HPSE2: variants seen among roughly 807,000 people sequenced by gnomAD.
HPSE2 encodes inactive heparanase-2.
Under a neutral mutation model 60.5 loss-of-function variants are expected in HPSE2, and 38 were observed. The observed-to-expected ratio is 0.63, with a 90% CI of 0.48 to 0.82. HPSE2 has a LOEUF of 0.82. HPSE2 is among the 40% of genes least tolerant of loss of function. The pLI is 0.00. For synonymous variants in HPSE2, 295 were observed against 293.2 expected (o/e 1.01, Z -0.06); for missense variants, 713 against 740.4 (o/e 0.96, Z 0.43).
chr10:98,979,338 G>A (rs1956156889), intron 3 of HPSE2, among the ~76,000 whole-genome samples: 1 of 152,108 alleles, frequency 6.6e-6, no homozygotes, highest in South Asian at 2.1e-4. Flanking sequence ...AACATCTACA[G>A]TGCATAATGA....
At chr10:99,250,404 T>C in the HPSE2 span, among the ~76,000 whole-genome samples, 9 of 152,208 alleles carry the variant, frequency 5.9e-5, no homozygotes, top group Non-Finnish European at 1.2e-4. Context: ...AGCAGCACAA[T>C]AATAGTGAGG....
At chr10:98,514,403 A>C (rs2133753580) in intron 9 of HPSE2, among the ~76,000 whole-genome samples, 1 of 152,332 alleles carries the variant, frequency 6.6e-6, no homozygotes, top group African/African-American at 2.4e-5. Flanking sequence ...AGTAAACTTA[A>C]AAATTGTTAA....
chr10:98,651,804 G>A (rs1004535991), intron 6 of HPSE2, among the ~76,000 whole-genome samples: 2 of 147,830 alleles, frequency 1.4e-5, no homozygotes, highest in African/African-American at 2.5e-5. Context: ...ATGGAGTCTC[G>A]CTCTGTCACC....
chr10:98,823,636 T>G (rs890487324), intron 3 of HPSE2, among the ~76,000 whole-genome samples: 1 of 151,794 alleles, frequency 6.6e-6, no homozygotes, highest in Non-Finnish European at 1.5e-5. Context: ...AAAAAATAAA[T>G]AAATAGATAG....
chr10:98,482,802 A>C lies in HPSE2; in HGVS notation c.1467-20T>G. Reference sequence around the variant, plus strand: ...TTGTGGCTGAGATCCAGAGAAAGAGAGAAGTGAAAGATGGAAACAAAGTGG... The same window carrying C: ...TTGTGGCTGAGATCCAGAGAAAGAGCGAAGTGAAAGATGGAAACAAAGTGG... On this transcript the variant is annotated intron_variant, in intron 10 of 11. Transcript: ENST00000370552. 6.2e-7 allele frequency: 1 copy of C among 1,613,868 alleles called. No homozygotes were observed. Among genetic ancestry groups the C allele is most frequent in the Non-Finnish European group, 8.5e-7 (1 of 1,179,738 alleles).
intron 11 of HPSE2, among the ~76,000 whole-genome samples, chr10:98,468,077 G>C (rs1245470021): frequency 6.6e-6 from 1 of 152,274 alleles, no homozygotes; most frequent in African/African-American, 2.4e-5. Context: ...CGCTGAGCGA[G>C]GAAGCTGGTA....
chr10:98,698,621 G>C (rs922061537), intron 5 of HPSE2, among the ~76,000 whole-genome samples: 6 of 151,876 alleles, frequency 4.0e-5, no homozygotes, highest in Non-Finnish European at 7.4e-5. Flanking sequence ...GCTAGCAGAA[G>C]GCAAGAAATA....
chr10:99,205,278 T>C (rs1848707894), intron 2 of HPSE2, among the ~76,000 whole-genome samples: 5 of 151,964 alleles, frequency 3.3e-5, no homozygotes, highest in Admixed American at 3.3e-4. Flanking sequence ...CCAGATCTGG[T>C]CTGAGTAATG....
intron 3 of HPSE2, among the ~76,000 whole-genome samples, chr10:98,885,293 G>A (rs1953133749): frequency 6.6e-6 from 1 of 152,160 alleles, no homozygotes; most frequent in African/African-American, 2.4e-5. Flanking sequence ...TCATGAATGA[G>A]CAGAGGGAGT....
In HPSE2 at chr10:98,853,627, G is replaced by C. The variant is rs528954280; in HGVS notation, c.611-109571C>G. On this transcript the variant is annotated intron_variant, in intron 3 of 11. Coordinates refer to ENST00000370552, the MANE Select transcript of HPSE2 (RefSeq NM_021828.5). Reference sequence around the variant, plus strand: ...AAATGGCCAAGAAAATGTAAAAGTTGTATCACTCCCATGAATCCCAACTGC... The same window carrying C: ...AAATGGCCAAGAAAATGTAAAAGTTCTATCACTCCCATGAATCCCAACTGC... Among the ~76,000 whole-genome samples the C allele has an allele frequency of 6.8e-4, 103 of 152,210 alleles. 1 individual carries two copies. Among genetic ancestry groups the C allele is most frequent in the African/African-American group, 2.4e-3 (100 of 41,530 alleles).
At chr10:99,152,959 G>A (rs1364994213) in intron 2 of HPSE2, among the ~76,000 whole-genome samples, 2 of 152,258 alleles carry the variant, frequency 1.3e-5, no homozygotes, top group South Asian at 2.1e-4. Flanking sequence ...GGGTCAGGGA[G>A]TTCCCTTTCC....
At chr10:98,812,593 T>C (rs1951194017) in intron 3 of HPSE2, among the ~76,000 whole-genome samples, 1 of 152,182 alleles carries the variant, frequency 6.6e-6, no homozygotes, top group Admixed American at 6.5e-5. Flanking sequence ...AGTCCTACTT[T>C]TAAAAAAGAT....
At chr10:99,037,119 C>T (rs1380229180) in intron 3 of HPSE2, among the ~76,000 whole-genome samples, 2 of 152,046 alleles carry the variant, frequency 1.3e-5, no homozygotes, top group African/African-American at 2.4e-5. Flanking sequence ...ACTAGACAAA[C>T]CCAAATTGAG....
intron 3 of HPSE2, among the ~76,000 whole-genome samples, chr10:99,093,855 C>T (rs188678973): frequency 2.5e-4 from 37 of 150,932 alleles, no homozygotes; most frequent in African/African-American, 8.7e-4. Context: ...ATCCCATACC[C>T]TGCCTGTGTC....
intron 3 of HPSE2, among the ~76,000 whole-genome samples, chr10:98,999,048 G>T (rs1433282892): frequency 6.6e-6 from 1 of 152,138 alleles, no homozygotes; most frequent in Non-Finnish European, 1.5e-5. Context: ...TAGAATGACT[G>T]AGGTTTATAG....
At chr10:98,546,163 C>G (rs1331947598) in intron 9 of HPSE2, among the ~76,000 whole-genome samples, 1 of 137,396 alleles carries the variant, frequency 7.3e-6, no homozygotes, top group Non-Finnish European at 1.6e-5. Context: ...AGGATACAAA[C>G]AAATGGAAGA....
rs983252024 is a variant in HPSE2 at position 98,483,461 on chromosome 10, A to G, written c.1467-679T>C. On this transcript the variant is annotated intron_variant, in intron 10 of 11. Coordinates refer to ENST00000370552, the MANE Select transcript of HPSE2 (RefSeq NM_021828.5). ...ATTATAAATTATGTCATGTGTATAA[A>G]CTTTTTGATTATTTCTGATGGATAA... Among the ~76,000 whole-genome samples the G allele has an allele frequency of 6.6e-5, 10 of 152,332 alleles. 1 individual carries two copies. The South Asian group carries it at 1.5e-3, about 22-fold the overall frequency.
intron 6 of HPSE2, among the ~76,000 whole-genome samples, chr10:98,664,846 G>A (rs1231578906): frequency 6.6e-6 from 1 of 152,154 alleles, no homozygotes; most frequent in Non-Finnish European, 1.5e-5. Flanking sequence ...TCTCAGATGA[G>A]AAAGAATCAG....
chr10:99,207,333 G>A (rs769822038), intron 2 of HPSE2, among the ~76,000 whole-genome samples: 3 of 152,082 alleles, frequency 2.0e-5, no homozygotes, highest in African/African-American at 4.8e-5. Flanking sequence ...AAGATAGACA[G>A]ACTTTCCCAG....
Sources: gnomAD v4.1 joint callset for allele counts (sites outside exome capture counted in the v4.1 genomes callset) on GRCh38, gnomAD v4.1.1 for gene constraint, MANE v1.5 for transcripts, NCBI Gene and HGNC (gene_info 2026-07-23, HGNC 2026-07-21) for gene names.